Variants in LAMA1 observed in about 807,000 individuals in gnomAD.
LAMA1 encodes laminin subunit alpha-1.
In LAMA1, 219 loss-of-function variants were observed where a neutral mutation model predicts 348.7. The observed-to-expected ratio is 0.63, with a 90% CI of 0.56 to 0.70. LAMA1 has a LOEUF of 0.70. Ranked by LOEUF, LAMA1 falls within the 30% of genes least tolerant of loss-of-function variation. LAMA1 has a pLI of 0.00. For missense variants in LAMA1, 3,744 were observed against 3,888.0 expected (o/e 0.96, Z 0.99); for synonymous variants, 1,487 against 1,491.0 (o/e 1.00, Z 0.06).
At chr18:7,079,540 G>A (rs1353677356) in intron 3 of LAMA1, 1 of 257,608 alleles carries the variant, frequency 3.9e-6, no homozygotes, top group East Asian at 9.6e-5. Flanking sequence ...GTTTAACACC[G>A]TTTTGTCTTT....
intron 31 of LAMA1, 101 bp downstream of exon 31, chr18:6,999,810 T>C (rs2057799586): frequency 6.3e-6 from 8 of 1,274,032 alleles, no homozygotes; most frequent in Non-Finnish European, 9.1e-6. Flanking sequence ...TCCAAACTGA[T>C]AATTGATAAT....
Position 6,992,820 on chromosome 18 carries a change from C to T in LAMA1, c.5009-100G>A, listed in dbSNP as rs565242468. 825 of 1,022,294 alleles carry T rather than the reference C, an allele frequency of 8.1e-4. 5 individuals are homozygous for T. The highest frequency in any genetic ancestry group is 1.1e-3 in the Middle Eastern group (4 of 3,534). 63.3% of individuals were successfully genotyped at this position (1,022,294 alleles called of 1,614,324 possible). A position where few individuals can be genotyped will look rare whatever the true frequency, so the allele number is the denominator to read the frequency against. ...TCTCTGCTGAGGACTGCTCTGTTTA[C>T]CTAAGCTGAGTTGGACCTCCATGTC... On this transcript the variant is annotated intron_variant, in intron 35 of 62. Coordinates refer to ENST00000389658, the MANE Select transcript of LAMA1 (RefSeq NM_005559.4).
chr18:7,084,465 T>C (rs571497493), intron 1 of LAMA1, among the ~76,000 whole-genome samples: 1 of 152,206 alleles, frequency 6.6e-6, no homozygotes, highest in Non-Finnish European at 1.5e-5. Flanking sequence ...AATAAATTAG[T>C]CTGCATGTTT....
chr18:7,025,806 C>T (rs546322595), intron 17 of LAMA1, among the ~76,000 whole-genome samples, 173 bp downstream of exon 17: 8 of 152,290 alleles, frequency 5.3e-5, no homozygotes, highest in Admixed American at 3.3e-4. Flanking sequence ...ATAAGCCAAA[C>T]GTTGGTTTAC....
intron 1 of LAMA1, among the ~76,000 whole-genome samples, chr18:7,102,002 T>C (rs910225679): frequency 6.6e-6 from 1 of 152,166 alleles, no homozygotes; most frequent in Non-Finnish European, 1.5e-5. Flanking sequence ...CAAAGGGTTA[T>C]TTTCTTTATT....
At chr18:7,074,364 A>T (rs2058158432) in intron 3 of LAMA1, among the ~76,000 whole-genome samples, 1 of 152,256 alleles carries the variant, frequency 6.6e-6, no homozygotes, top group Non-Finnish European at 1.5e-5. Context: ...CTTTTAAAAT[A>T]GTGGTTCTCA....
At chr18:7,070,421 G>T (rs2058141095) in intron 3 of LAMA1, among the ~76,000 whole-genome samples, 1 of 152,146 alleles carries the variant, frequency 6.6e-6, no homozygotes, top group Non-Finnish European at 1.5e-5. Flanking sequence ...AATCTTTAAA[G>T]ATTTTATCTT....
chr18:7,082,733 A>C (rs778094600), intron 1 of LAMA1, among the ~76,000 whole-genome samples: 4 of 152,246 alleles, frequency 2.6e-5, no homozygotes, highest in Non-Finnish European at 5.9e-5. Flanking sequence ...TCTGTATTAC[A>C]TACATGCAAT....
In LAMA1 at chr18:6,947,079, T is replaced by C. The variant is rs546906159; in HGVS notation, c.8844+84A>G. 4 of 1,545,182 alleles carry C rather than the reference T, an allele frequency of 2.6e-6. No homozygotes were observed. In the Admixed American group the frequency reaches 5.0e-5, roughly 19 times the overall value. On this transcript the variant is annotated intron_variant, in intron 61 of 62. Coordinates refer to ENST00000389658, the MANE Select transcript of LAMA1 (RefSeq NM_005559.4). ...TGTTTGACTCCATGAAAATAGATAG[T>C]TGTGAATTTGAATCTGCTGTTTCTC...
chr18:7,042,061 C>T (rs2058022669), intron 9 of LAMA1, 84 bp downstream of exon 9: 1 of 882,330 alleles, frequency 1.1e-6, no homozygotes, highest in Middle Eastern at 2.3e-4. Flanking sequence ...TACCAACTGG[C>T]TATTACCATT....
At chr18:7,101,753 G>A (rs369217480) in intron 1 of LAMA1, among the ~76,000 whole-genome samples, 5 of 152,002 alleles carry the variant, frequency 3.3e-5, no homozygotes, top group Non-Finnish European at 1.5e-5. Context: ...CTGCAGCCTC[G>A]ACCTCTTGGG....
In LAMA1 at chr18:6,974,896, C is replaced by T. The variant is rs553806693; in HGVS notation, c.6623+7G>A. ...GAGAGCTGCTTTGAGAGAACATTCT[C>T]TTCTACCTGGCTACATGGATACTGT... On this transcript the variant is annotated splice_region_variant and intron_variant, in intron 46 of 62. Transcript: ENST00000389658. 1.2e-6 allele frequency: 2 copies of T among 1,614,078 alleles called. No homozygotes were observed. The highest frequency in any genetic ancestry group is 1.1e-5 in the South Asian group (1 of 91,066).
intron 39 of LAMA1, 41 bp downstream of exon 39, chr18:6,985,196 A>T (rs770590769): frequency 2.3e-5 from 37 of 1,611,658 alleles, no homozygotes; most frequent in Non-Finnish European, 3.1e-5. Flanking sequence ...TCCGATCAAT[A>T]GACTGCAAGC....
chr18:7,004,516 C>T (rs1289255468), intron 29 of LAMA1, among the ~76,000 whole-genome samples: 2 of 152,146 alleles, frequency 1.3e-5, no homozygotes, highest in Non-Finnish European at 2.9e-5. Flanking sequence ...CCACGCCTGG[C>T]TAATTTTGTA....
rs750993692 is a variant in LAMA1, at chr18:6,958,537, G to A, written c.7904C>T (p.Ser2635Leu). The A allele has an allele frequency of 3.7e-6, 6 of 1,614,054 alleles. No individual in the cohort carries two copies. Among genetic ancestry groups the A allele is most frequent in the Non-Finnish European group, 5.1e-6 (6 of 1,180,042 alleles). Residue 2635 changes from serine (S) to leucine (L), a missense_variant, in exon 55 of 63, where the codon TCA (serine) becomes TTA (leucine). This residue lies in a region of LAMA1 where 1,983 missense variants were observed against 1,934.3 expected (regional missense o/e 1.03). Transcript: ENST00000389658. ...GAACGATCTTCTCATTGTGAGCAGT[G>A]ACGTCCCCTCTCCCTCTGGAATTCC... ...VGGIPEGEGT[S>L]LLTMRRSFHG...
At chr18:7,099,677 T>C (rs2058283387) in intron 1 of LAMA1, among the ~76,000 whole-genome samples, 2 of 151,198 alleles carry the variant, frequency 1.3e-5, no homozygotes, top group Non-Finnish European at 2.9e-5. Flanking sequence ...AAATAATTGA[T>C]CAAATGGACC....
chr18:7,092,480 G>A (rs2058243203), intron 1 of LAMA1, among the ~76,000 whole-genome samples: 1 of 152,038 alleles, frequency 6.6e-6, no homozygotes, highest in Non-Finnish European at 1.5e-5. Flanking sequence ...AAAAAAATTA[G>A]CCGGGCGTGG....
chr18:7,038,125 A>C (rs1282321001), intron 11 of LAMA1, among the ~76,000 whole-genome samples: 1 of 152,092 alleles, frequency 6.6e-6, no homozygotes, highest in Non-Finnish European at 1.5e-5. Flanking sequence ...TTTTTACCCA[A>C]ATGTTGAAAA....
At chr18:7,072,678 A>C (rs191613512) in intron 3 of LAMA1, among the ~76,000 whole-genome samples, 1 of 152,290 alleles carries the variant, frequency 6.6e-6, no homozygotes, top group Admixed American at 6.5e-5. Context: ...CACCATAATA[A>C]CAAAATCCTG....
Sources: gnomAD v4.1 joint callset for allele counts (sites outside exome capture counted in the v4.1 genomes callset) on GRCh38, gnomAD v4.1.1 for gene constraint, gnomAD v4.1.1 regional missense constraint, MANE v1.5 for transcripts, NCBI Gene and HGNC (gene_info 2026-07-23, HGNC 2026-07-21) for gene names.